GPC5: variants seen among roughly 807,000 people sequenced by gnomAD.
GPC5 encodes the protein glypican-5.
In GPC5, 47 loss-of-function variants were observed where a neutral mutation model predicts 53.9. The observed-to-expected ratio is 0.87, with a 90% CI of 0.69 to 1.11. GPC5 has a LOEUF of 1.11. Ranked by LOEUF, GPC5 falls within the 50% of genes most tolerant of loss-of-function variation. GPC5 has a pLI of 0.00. For synonymous variants in GPC5, 286 were observed against 263.3 expected (o/e 1.09, Z -0.84); for missense variants, 748 against 713.1 (o/e 1.05, Z -0.56).
intron 7 of GPC5, among the ~76,000 whole-genome samples, chr13:92,753,473 G>T (rs1256547052): frequency 6.6e-6 from 1 of 152,236 alleles, no homozygotes; most frequent in African/African-American, 2.4e-5. Flanking sequence ...GAACAAAGCT[G>T]GACGGAGAAT....
intron 6 of GPC5, among the ~76,000 whole-genome samples, chr13:92,139,441 G>A (rs914820855): frequency 6.6e-6 from 1 of 152,162 alleles, no homozygotes; most frequent in African/African-American, 2.4e-5. Context: ...GCCGAGGCGG[G>A]TGGATCATGA....
chr13:91,429,862 T>C (rs930681398), intron 1 of GPC5, among the ~76,000 whole-genome samples: 2 of 152,206 alleles, frequency 1.3e-5, no homozygotes, highest in African/African-American at 2.4e-5. Flanking sequence ...GAAGTATCCG[T>C]AGACCACTTT....
chr13:92,650,453 CAT>C (rs1405594168), intron 7 of GPC5, among the ~76,000 whole-genome samples: 1 of 152,034 alleles, frequency 6.6e-6, no homozygotes, highest in Non-Finnish European at 1.5e-5. Flanking sequence ...ATATTTTTGA[CAT>C]GTTACCAATT....
chr13:92,417,063 G>T (rs1303912616), intron 7 of GPC5, among the ~76,000 whole-genome samples: 2 of 152,206 alleles, frequency 1.3e-5, no homozygotes, highest in Non-Finnish European at 2.9e-5. Context: ...TACACTTCGT[G>T]TAAGTCACGC....
At chr13:92,751,212 GTT>G (rs780554388) in intron 7 of GPC5, among the ~76,000 whole-genome samples, 5 of 134,670 alleles carry the variant, frequency 3.7e-5, no homozygotes, top group Non-Finnish European at 6.2e-5. Context: ...AAAGAAAATT[GTT>G]TTTTGCCTGT....
At chr13:91,586,878 C>A (rs1386733575) in intron 2 of GPC5, among the ~76,000 whole-genome samples, 1 of 151,644 alleles carries the variant, frequency 6.6e-6, no homozygotes, top group Non-Finnish European at 1.5e-5. Context: ...AGATATGCAA[C>A]CTTACGATTA....
intron 5 of GPC5, among the ~76,000 whole-genome samples, chr13:91,784,935 G>A (rs937227259): frequency 2.6e-5 from 4 of 152,148 alleles, no homozygotes; most frequent in Non-Finnish European, 4.4e-5. Context: ...AATGTCACCA[G>A]TGACCTCTGA....
chr13:91,787,639 C>CT (rs2037899923), intron 5 of GPC5, among the ~76,000 whole-genome samples: 1 of 152,052 alleles, frequency 6.6e-6, no homozygotes, highest in South Asian at 2.1e-4. Context: ...GACAGTTTGC[C>CT]TATGTATTAA....
At chr13:91,835,016 C>A (rs2038707132) in intron 5 of GPC5, among the ~76,000 whole-genome samples, 1 of 152,118 alleles carries the variant, frequency 6.6e-6, no homozygotes, top group Non-Finnish European at 1.5e-5. Context: ...AGGCTAATAT[C>A]CAGAATCTAC....
At chr13:91,593,380 C>T (rs1486717713) in intron 2 of GPC5, among the ~76,000 whole-genome samples, 1 of 152,198 alleles carries the variant, frequency 6.6e-6, no homozygotes, top group Admixed American at 6.5e-5. Flanking sequence ...TATGTCTAGT[C>T]AGCCATCTTG....
intron 7 of GPC5, among the ~76,000 whole-genome samples, chr13:92,468,453 A>G (rs1203031722): frequency 1.3e-5 from 2 of 152,072 alleles, no homozygotes; most frequent in Non-Finnish European, 2.9e-5. Flanking sequence ...GCTCATCTGT[A>G]TTGGGTAAGC....
chr13:92,356,051 A>G (rs2043519026), intron 7 of GPC5, among the ~76,000 whole-genome samples: 1 of 152,100 alleles, frequency 6.6e-6, no homozygotes, highest in African/African-American at 2.4e-5. Flanking sequence ...TAGATTCTCT[A>G]CCACTGGCCT....
chr13:92,050,351 C>T (rs2138837220), intron 6 of GPC5, among the ~76,000 whole-genome samples: 1 of 152,174 alleles, frequency 6.6e-6, no homozygotes, highest in African/African-American at 2.4e-5. Context: ...TAAGGAATAG[C>T]ATATCCAGAC....
chr13:91,862,764 C>A (rs2039043877), intron 5 of GPC5, among the ~76,000 whole-genome samples: 1 of 152,088 alleles, frequency 6.6e-6, no homozygotes, highest in South Asian at 2.1e-4. Flanking sequence ...TTCAAGCCCC[C>A]ATTAAAATTT....
At chr13:92,191,375 A>G (rs1317244088) in intron 7 of GPC5, among the ~76,000 whole-genome samples, 1 of 152,192 alleles carries the variant, frequency 6.6e-6, no homozygotes, top group Non-Finnish European at 1.5e-5. Flanking sequence ...CACTGACACC[A>G]CCAAATGCTG....
At chr13:92,086,299 T>A (rs1241548011) in intron 6 of GPC5, among the ~76,000 whole-genome samples, 5 of 152,230 alleles carry the variant, frequency 3.3e-5, no homozygotes, top group Admixed American at 3.3e-4. Context: ...AAACTCTGGC[T>A]ACAGGCCATC....
At chr13:92,646,437 T>A (rs1885772224) in intron 7 of GPC5, among the ~76,000 whole-genome samples, 1 of 152,026 alleles carries the variant, frequency 6.6e-6, no homozygotes, top group Non-Finnish European at 1.5e-5. Context: ...AGTGTGACTT[T>A]AAATCAAACC....
rs147785443 is a variant in GPC5 at position 91,959,057 on chromosome 13, A to AACACACAC, written c.1401+51038_1401+51045dup. 5.7e-3 allele frequency among the ~76,000 whole-genome samples: 733 copies of AACACACAC among 127,704 alleles called. 2 individuals carry two copies. The highest frequency in any genetic ancestry group is 0.015 in the African/African-American group (480 of 32,894). The allele number at this position is 127,704 out of a possible 152,430, so 83.8% of individuals were successfully genotyped here. On this transcript the variant is annotated intron_variant, in intron 6 of 7. Coordinates refer to ENST00000377067, the MANE Select transcript of GPC5 (RefSeq NM_004466.6). ...GAGCAGAACCAAACAGAATGGAGAC[A>AACACACAC]ACACACACACACACACACACACACA...
chr13:91,916,088 G>T (rs964862627), intron 6 of GPC5, among the ~76,000 whole-genome samples: 24 of 152,150 alleles, frequency 1.6e-4, no homozygotes, highest in Non-Finnish European at 2.8e-4. Context: ...TATATCCATA[G>T]TTAGTTTACT....
Sources: allele counts gnomAD v4.1 joint callset (sites outside exome capture counted in the v4.1 genomes callset), GRCh38; gene constraint gnomAD v4.1.1; transcripts MANE v1.5; gene names NCBI Gene and HGNC (gene_info 2026-07-23, HGNC 2026-07-21).